The following RALGAPA2 variants were observed in gnomAD, a reference collection of about 807,000 sequenced individuals.
The protein encoded by RALGAPA2 is ral GTPase-activating protein subunit alpha-2.
In RALGAPA2, 139 loss-of-function variants were observed where a neutral mutation model predicts 230.4. The ratio of observed to expected loss-of-function variants is 0.60; its 90% CI spans 0.53 to 0.69. The LOEUF (loss-of-function observed/expected upper bound fraction) is 0.69. Among genes scored for constraint, RALGAPA2 ranks in the 30% least tolerant of loss-of-function variants. The probability of loss-of-function intolerance (pLI) is 0.00; values close to 1 mark genes in which losing one functional copy is unlikely to be tolerated. For synonymous variants in RALGAPA2, 847 were observed against 837.8 expected (o/e 1.01, Z -0.19); for missense variants, 2,163 against 2,276.0 (o/e 0.95, Z 1.01).
Position 20,505,459 on chromosome 20 carries a change from T to C in RALGAPA2, c.5004A>G (p.Glu1668=). The change falls in exon 34 of 40, where the codon GAA becomes GAG. Residue 1668 remains glutamate, a synonymous_variant. Transcript: ENST00000202677. Reference sequence around the variant, plus strand: ...AGTCTTCATATGCTTGGCTTCCTCTTTCATTAGAGAGGATTGAACACTTGT... The same window carrying C: ...AGTCTTCATATGCTTGGCTTCCTCTCTCATTAGAGAGGATTGAACACTTGT... ...QEDKCSILSN[E]RGSQAYEDFV... 1 of 1,602,824 alleles carries C rather than the reference T, an allele frequency of 6.2e-7. No homozygotes were observed. The highest frequency in any genetic ancestry group is 1.1e-5 in the South Asian group (1 of 88,994).
intron 34 of RALGAPA2, 22 bp downstream of exon 34, chr20:20,505,389 C>T: frequency 6.3e-7 from 1 of 1,583,770 alleles, no homozygotes; most frequent in Non-Finnish European, 8.6e-7. Flanking sequence ...TCAATAAACA[C>T]CTACTGAATG....
intron 36 of RALGAPA2, among the ~76,000 whole-genome samples, chr20:20,486,433 T>C (rs1262206344): frequency 6.6e-6 from 1 of 152,154 alleles, no homozygotes; most frequent in African/African-American, 2.4e-5. Flanking sequence ...CACTCTCTTC[T>C]TGATCGCTCA....
intron 36 of RALGAPA2, among the ~76,000 whole-genome samples, chr20:20,480,782 C>T (rs2061755439): frequency 6.6e-6 from 1 of 152,160 alleles, no homozygotes; most frequent in African/African-American, 2.4e-5. Context: ...AAGTATCAGT[C>T]CTAATCAGAA....
At chr20:20,521,848 T>C (rs1189028103) in intron 30 of RALGAPA2, among the ~76,000 whole-genome samples, 1 of 152,240 alleles carries the variant, frequency 6.6e-6, no homozygotes, top group Non-Finnish European at 1.5e-5. Flanking sequence ...GGGTTAAATA[T>C]ATTTATGTAA....
chr20:20,524,190 T>C (rs570883125), intron 30 of RALGAPA2, among the ~76,000 whole-genome samples: 1 of 152,288 alleles, frequency 6.6e-6, no homozygotes, highest in South Asian at 2.1e-4. Flanking sequence ...TCTCCTGACC[T>C]TGTGATCTGC....
In RALGAPA2 at chr20:20,583,067, T is replaced by C. The variant is rs2065032584; in HGVS notation, c.2690A>G (p.Asp897Gly). The part of the protein sequence containing the change: ...ARHWLQLSPT[D>G]ASNLTDSSEC... ...CAATTTACCTGTTAAATTTGAAGCA[T>C]CGGTGGGACTCAGTTGTAACCAATG... Residue 897 changes from aspartate to glycine, a missense_variant, in exon 20 of 40, where the codon GAT becomes GGT. Coordinates refer to ENST00000202677, the MANE Select transcript of RALGAPA2 (RefSeq NM_020343.4). 8 of 1,613,302 alleles carry C rather than the reference T, an allele frequency of 5.0e-6. No homozygotes were observed. Among genetic ancestry groups the C allele is most frequent in the Non-Finnish European group, 6.8e-6 (8 of 1,179,582 alleles).
chr20:20,467,402 C>T (rs2061441833), intron 37 of RALGAPA2, among the ~76,000 whole-genome samples: 1 of 152,170 alleles, frequency 6.6e-6, no homozygotes, highest in South Asian at 2.1e-4. Flanking sequence ...AAAATTCATC[C>T]TTTAATCCTT....
intron 1 of RALGAPA2, among the ~76,000 whole-genome samples, chr20:20,700,316 G>A (rs2069299780): frequency 6.6e-6 from 1 of 152,116 alleles, no homozygotes; most frequent in African/African-American, 2.4e-5. Flanking sequence ...GGGATGGAGG[G>A]AGTGGGGTAT....
intron 36 of RALGAPA2, among the ~76,000 whole-genome samples, chr20:20,473,860 T>C (rs2061592340): frequency 6.6e-6 from 1 of 152,192 alleles, no homozygotes; most frequent in Admixed American, 6.5e-5. Context: ...AACTCTTATA[T>C]TCATTCACTT....
intron 24 of RALGAPA2, among the ~76,000 whole-genome samples, chr20:20,537,748 A>C (rs6082034): frequency 0.084 from 12,703 of 152,110 alleles, 771 homozygotes; most frequent in East Asian, 0.16. Context: ...GTCCATCTAT[A>C]TGTCTACTAT....
chr20:20,636,740 T>C (rs1365266211), intron 8 of RALGAPA2, among the ~76,000 whole-genome samples: 1 of 152,206 alleles, frequency 6.6e-6, no homozygotes, highest in Non-Finnish European at 1.5e-5. Context: ...GAGAGGAAGA[T>C]TTGACCCCCA....
chr20:20,514,161 G>C (rs1016461796), intron 31 of RALGAPA2, among the ~76,000 whole-genome samples: 3 of 151,706 alleles, frequency 2.0e-5, no homozygotes, highest in Admixed American at 6.6e-5. Context: ...TGCTTAGGCA[G>C]ATCTCCAGGC....
chr20:20,530,225 C>A (rs1047560608), intron 27 of RALGAPA2, among the ~76,000 whole-genome samples: 3 of 152,178 alleles, frequency 2.0e-5, no homozygotes, highest in African/African-American at 7.2e-5. Flanking sequence ...GGAGGTGGCA[C>A]TGACATTTCC....
chr20:20,592,733 A>G (rs560136866), intron 16 of RALGAPA2, among the ~76,000 whole-genome samples: 1 of 152,316 alleles, frequency 6.6e-6, no homozygotes, highest in South Asian at 2.1e-4. Flanking sequence ...ATAATCCTTT[A>G]ATCTGAGTCA....
Position 20,683,768 on chromosome 20 carries a change from C to T in RALGAPA2, c.107-2967G>A, listed in dbSNP as rs578200644. ...GAAGATGATAAGCAGGATACAGCAC[C>T]GGTTCCCACATCTCCTGCCTGAATC... On this transcript the variant is annotated intron_variant, in intron 1 of 39. Coordinates refer to ENST00000202677, the MANE Select transcript of RALGAPA2 (RefSeq NM_020343.4). Among the ~76,000 whole-genome samples, 37 of 152,304 alleles carry T rather than the reference C, an allele frequency of 2.4e-4. 1 individual carries two copies. In the South Asian group the frequency reaches 7.7e-3, roughly 32 times the overall value.
intron 38 of RALGAPA2, among the ~76,000 whole-genome samples, chr20:20,405,735 T>C (rs2059931628): frequency 6.6e-6 from 1 of 152,202 alleles, no homozygotes; most frequent in African/African-American, 2.4e-5. Flanking sequence ...TGACTTCCCC[T>C]GCCTTTCTCC....
In RALGAPA2 at chr20:20,398,804, C is replaced by T. The variant is rs1328352110; in HGVS notation, c.5618-2070G>A. ...AGGTACTGTTTTAGGCTCTGGGTTA[C>T]AGTGGTGACCAAAGCAGATGAAACC... On this transcript the variant is annotated intron_variant, in intron 38 of 39. Transcript: ENST00000202677. The surrounding 1 kb of genome is among the most constrained non-coding windows in gnomAD (Gnocchi z 4.5). Among the ~76,000 whole-genome samples the T allele has an allele frequency of 6.6e-6, 1 of 152,174 alleles. No homozygotes were observed. The highest frequency in any genetic ancestry group is 1.5e-5 in the Non-Finnish European group (1 of 68,036).
At chr20:20,522,944 A>C (rs2063089560) in intron 30 of RALGAPA2, among the ~76,000 whole-genome samples, 1 of 152,232 alleles carries the variant, frequency 6.6e-6, no homozygotes, top group South Asian at 2.1e-4. Context: ...TATCTAATGA[A>C]TCCTAATATA....
intron 37 of RALGAPA2, among the ~76,000 whole-genome samples, chr20:20,444,765 TAGCC>T (rs1285713397): frequency 6.6e-6 from 1 of 152,246 alleles, no homozygotes; most frequent in Admixed American, 6.5e-5. Flanking sequence ...TTTAATACAG[TAGCC>T]AGTCCCCCCT....
Sources: gnomAD v4.1 joint callset for allele counts (sites outside exome capture counted in the v4.1 genomes callset) on GRCh38, gnomAD v4.1.1 for gene constraint, Gnocchi (gnomAD v3.1) non-coding constraint, MANE v1.5 for transcripts, NCBI Gene and HGNC (gene_info 2026-07-23, HGNC 2026-07-21) for gene names.